Variants in FCER1A observed in about 807,000 individuals in gnomAD.
FCER1A encodes the protein Fc epsilon receptor Ia, also known as high affinity immunoglobulin epsilon receptor subunit alpha.
A neutral mutation model predicts 23.6 loss-of-function variants in FCER1A; 24 were observed. That is an observed-to-expected ratio of 1.02 (90% CI 0.74 to 1.43). FCER1A has a LOEUF of 1.43. Ranked by LOEUF, FCER1A falls within the 40% of genes most tolerant of loss-of-function variation. The pLI is 0.00. For synonymous variants in FCER1A, 121 were observed against 108.8 expected, an observed-to-expected ratio of 1.11 and a Z score of -0.70; for missense variants, 318 against 294.5, an observed-to-expected ratio of 1.08 and a Z score of -0.58.
upstream of FCER1A, among the ~76,000 whole-genome samples, chr1:159,297,549 G>C (rs1652324006): frequency 6.6e-6 from 1 of 152,122 alleles, no homozygotes; most frequent in Admixed American, 6.6e-5. Flanking sequence ...CTTAAGGTAG[G>C]TACTATTACT....
chr1:159,283,693 G>C, the FCER1A span, among the ~76,000 whole-genome samples: 1 of 152,182 alleles, frequency 6.6e-6, no homozygotes, highest in Non-Finnish European at 1.5e-5. Flanking sequence ...TAATATCAAA[G>C]AGAGCCTCAA....
In FCER1A at chr1:159,304,164, T is replaced by C. The variant is rs754444228; in HGVS notation, c.313T>C (p.Tyr105His). The change falls in exon 3 of 5, where the codon TAC becomes CAC. Residue 105 changes from tyrosine (Y) to histidine (H), a missense_variant. Tyr to His is a moderately conservative substitution (Grantham distance 83). Coordinates refer to ENST00000693622, the MANE Select transcript of FCER1A (RefSeq NM_001387280.1). Reference protein sequence around the residue: ...HQQVNESEPVYLEVFSDWLLL... With the variant: ...HQQVNESEPVHLEVFSDWLLL... ...ACAAGTTAATGAGAGTGAACCTGTG[T>C]ACCTGGAAGTCTTCAGTGGTAAGTT... 13 of 1,613,652 alleles carry C rather than the reference T, an allele frequency of 8.1e-6. No individual in the cohort carries two copies. In the South Asian group the frequency reaches 1.3e-4, roughly 16 times the overall value.
the FCER1A span, among the ~76,000 whole-genome samples, chr1:159,283,980 C>T: frequency 1.3e-5 from 2 of 152,108 alleles, no homozygotes; most frequent in Non-Finnish European, 2.9e-5. Context: ...TTTCATTTGC[C>T]TACTGACTGT....
upstream of FCER1A, among the ~76,000 whole-genome samples, chr1:159,286,114 C>T (rs145238868): frequency 0.02 from 3,046 of 151,648 alleles, 50 homozygotes; most frequent in Non-Finnish European, 0.036. Context: ...TGCTTGAACC[C>T]GGGAGGCAGA....
Position 159,307,741 on chromosome 1 carries a change from A to C in FCER1A, c.590-7A>C, listed in dbSNP as rs367698700. On this transcript the variant is annotated splice_polypyrimidine_tract_variant and splice_region_variant and intron_variant, in intron 4 of 4. Transcript: ENST00000693622. The stretch of plus-strand genomic sequence containing the variant: ...ATGTTTCTCATTGCATCTGTGTTCC[A>C]CTACAGCTCCGCGTGAGAAGTACTG... The C allele has an allele frequency of 1.3e-6, 2 of 1,582,376 alleles. No individual in the cohort carries two copies. Among genetic ancestry groups the C allele is most frequent in the East Asian group, 2.3e-5 (1 of 44,378 alleles).
At position 159,304,075 on chromosome 1, in the gene FCER1A, A is replaced by C; in HGVS notation, c.224A>C (p.Asn75Thr). Residue 75 changes from asparagine (N) to threonine (T), a missense_variant, in exon 3 of 5, where the codon AAT becomes ACT. Asn to Thr is a moderately conservative substitution (Grantham distance 65, BLOSUM62 0). Coordinates refer to ENST00000693622, the MANE Select transcript of FCER1A (RefSeq NM_001387280.1). Reference sequence around the variant, plus strand: ...AATGGCAGCCTTTCAGAAGAGACAAATTCAAGTTTGAATATTGTGAATGCC... The same window carrying C: ...AATGGCAGCCTTTCAGAAGAGACAACTTCAAGTTTGAATATTGTGAATGCC... ...FHNGSLSEET[N>T]SSLNIVNAKF... 6.2e-7 allele frequency: 1 copy of C among 1,614,190 alleles called. No individual in the cohort carries two copies.
intron 2 of FCER1A, among the ~76,000 whole-genome samples, chr1:159,303,516 C>T (rs73027971): frequency 0.054 from 8,188 of 152,208 alleles, 733 homozygotes; most frequent in African/African-American, 0.19. Flanking sequence ...TAAATTTATC[C>T]ATCCATAATT....
intron 1 of FCER1A, among the ~76,000 whole-genome samples, chr1:159,289,932 G>A (rs1416331516): frequency 2.6e-5 from 4 of 152,140 alleles, no homozygotes; most frequent in Admixed American, 2.6e-4. Flanking sequence ...CTATTCCTGT[G>A]TGAACACTAC....
rs200009003 is a variant in FCER1A at position 159,307,769 on chromosome 1, T to C, written c.611T>C (p.Leu204Pro). The C allele has an allele frequency of 3.9e-5, 63 of 1,611,032 alleles. No homozygotes were observed. Among genetic ancestry groups the C allele is most frequent in the Non-Finnish European group, 5.1e-5 (60 of 1,177,616 alleles). ...ACAGCTCCGCGTGAGAAGTACTGGC[T>C]ACAATTTTTTATCCCATTGTTGGTG... is the stretch of plus-strand genomic sequence containing the variant. ...VIKAPREKYWLQFFIPLLVVI... is the reference protein window; with the variant it reads ...VIKAPREKYWPQFFIPLLVVI... Residue 204 changes from leucine to proline, a missense_variant, in exon 5 of 5, where the codon CTA becomes CCA. Coordinates refer to ENST00000693622, the MANE Select transcript of FCER1A (RefSeq NM_001387280.1).
upstream of FCER1A, among the ~76,000 whole-genome samples, chr1:159,287,211 C>T (rs1423231815): frequency 1.3e-5 from 2 of 152,194 alleles, no homozygotes; most frequent in Non-Finnish European, 2.9e-5. Context: ...CACAAACACA[C>T]TGTAAAAGGC....
At position 159,303,998 on chromosome 1, in the gene FCER1A, T is replaced by A; in HGVS notation, c.147T>A (p.Leu49=). The change falls in exon 3 of 5, where the codon CTT becomes CTA. Residue 49 remains leucine (L), a synonymous_variant. Coordinates refer to ENST00000693622, the MANE Select transcript of FCER1A (RefSeq NM_001387280.1). ...TATTTAAAGGAGAGAATGTGACTCT[T>A]ACATGTAATGGGAACAATTTCTTTG... The part of the protein sequence containing the change: ...NRIFKGENVT[L]TCNGNNFFEV... 1.2e-6 allele frequency: 2 copies of A among 1,613,504 alleles called. No homozygotes were observed. The highest frequency in any genetic ancestry group is 2.2e-5 in the East Asian group (1 of 44,874).
intron 1 of FCER1A, among the ~76,000 whole-genome samples, chr1:159,294,925 A>G (rs560723284): frequency 6.6e-6 from 1 of 152,198 alleles, no homozygotes; most frequent in Non-Finnish European, 1.5e-5. Flanking sequence ...TAGAAAATAT[A>G]ATTAGCCAAA....
At chr1:159,286,270 C>T (rs1296253924), upstream of FCER1A, among the ~76,000 whole-genome samples, 2 of 152,102 alleles carry the variant, frequency 1.3e-5, no homozygotes, top group African/African-American at 4.8e-5. Flanking sequence ...GTGGCAACAG[C>T]TTGCTCCTCC....
intron 1 of FCER1A, among the ~76,000 whole-genome samples, chr1:159,294,178 A>T (rs1224031882): frequency 6.6e-6 from 1 of 152,190 alleles, no homozygotes; most frequent in Non-Finnish European, 1.5e-5. Context: ...TCAGGGATCT[A>T]GAACTAGAAA....
At chr1:159,297,182 G>A (rs570250664) in intron 1 of FCER1A, among the ~76,000 whole-genome samples, 3 of 152,268 alleles carry the variant, frequency 2.0e-5, no homozygotes, top group South Asian at 2.1e-4. Flanking sequence ...TCTCTGTCTC[G>A]TACCACACCT....
intron 4 of FCER1A, among the ~76,000 whole-genome samples, chr1:159,306,869 T>C (rs1652632307): frequency 6.6e-6 from 1 of 152,138 alleles, no homozygotes; most frequent in African/African-American, 2.4e-5. Context: ...AGTTAGACTT[T>C]TCCTTCACAC....
chr1:159,285,268 G>T (rs965060371), upstream of FCER1A, among the ~76,000 whole-genome samples: 2 of 152,060 alleles, frequency 1.3e-5, no homozygotes, highest in African/African-American at 2.4e-5. Context: ...GGAGGGCAAG[G>T]GTATTTCAAC....
intron 1 of FCER1A, 46 bp from the exon 2 acceptor site, chr1:159,302,808 A>G (rs2102229140): frequency 1.3e-6 from 2 of 1,592,214 alleles, no homozygotes; most frequent in East Asian, 2.2e-5. Context: ...CTCTGGAGAT[A>G]AAGAAGACTG....
chr1:159,286,627 C>T (rs1481771009), upstream of FCER1A, among the ~76,000 whole-genome samples: 2 of 152,186 alleles, frequency 1.3e-5, no homozygotes, highest in African/African-American at 2.4e-5. Flanking sequence ...CCATCGTGCC[C>T]GGCCTAAATC....
Sources: gnomAD v4.1 joint callset for allele counts (sites outside exome capture counted in the v4.1 genomes callset) on GRCh38, gnomAD v4.1.1 for gene constraint, MANE v1.5 for transcripts, NCBI Gene and HGNC (gene_info 2026-07-23, HGNC 2026-07-21) for gene names.